Variants in CRTC2 observed in about 807,000 individuals in gnomAD.
CRTC2 encodes the protein CREB regulated transcription coactivator 2.
A neutral mutation model predicts 70.9 loss-of-function variants in CRTC2; 25 were observed. The observed-to-expected ratio is 0.35, with a 90% CI of 0.26 to 0.49. The LOEUF (loss-of-function observed/expected upper bound fraction) is 0.49, where lower values mean the gene tolerates loss of function less well. Among genes scored for constraint, CRTC2 ranks in the 20% least tolerant of loss-of-function variants. The pLI is 0.98. For missense variants in CRTC2, 737 were observed against 882.6 expected, an observed-to-expected ratio of 0.83 and a Z score of 2.09; for synonymous variants, 330 against 364.1, an observed-to-expected ratio of 0.91 and a Z score of 1.07.
chr1:153,955,085 A>G lies in CRTC2; in HGVS notation c.235T>C (p.Ser79Pro). 1.2e-6 allele frequency: 2 copies of G among 1,614,132 alleles called. No individual in the cohort carries two copies. Among genetic ancestry groups the G allele is most frequent in the East Asian group, 2.2e-5 (1 of 44,886 alleles). Residue 79 changes from serine (S) to proline (P), a missense_variant, in exon 2 of 14, where the codon TCT becomes CCT. By Grantham distance (74) the Ser-to-Pro change is moderately conservative. This residue lies in a region of CRTC2 where 699 missense variants were observed against 823.7 expected (regional missense o/e 0.85). Transcript: ENST00000368633. ...GSLPNVNQIG[S>P]GLAEFQSPLH... The stretch of plus-strand genomic sequence containing the variant: ...CTCACCTGGAACTCGGCCAGGCCAG[A>G]GCCAATCTGGTTAACATTGGGCAGA...
At position 153,952,421 on chromosome 1, in the gene CRTC2, C is replaced by T. The variant is rs770068529; in HGVS notation, c.728G>A (p.Arg243Gln). The T allele has an allele frequency of 2.5e-6, 4 of 1,614,102 alleles. No homozygotes were observed. Among genetic ancestry groups the T allele is most frequent in the East Asian group, 2.2e-5 (1 of 44,890 alleles). The part of the protein sequence containing the change: ...KKLSSSSSRP[R>Q]SCEVPGINIF... ...CTTAATTCCAGGGACTTCACAGGAC[C>T]GAGGTCGGGAAGAGGATGAGGATAG... Residue 243 changes from arginine to glutamine, a missense_variant, in exon 9 of 14, where the codon CGG becomes CAG. Arg to Gln is a conservative substitution (Grantham distance 43). Transcript: ENST00000368633.
chr1:153,952,643 G>T lies in CRTC2; in HGVS notation c.638-8C>A, dbSNP rs1680417632. Reference sequence around the variant, plus strand: ...TCTCCTCAATAGCAGGTACTTGAAAGAGAAAGACTGGTGATGGGAGAGTTG... The same window carrying T: ...TCTCCTCAATAGCAGGTACTTGAAATAGAAAGACTGGTGATGGGAGAGTTG... On this transcript the variant is annotated splice_polypyrimidine_tract_variant and splice_region_variant and intron_variant, in intron 7 of 13. Transcript: ENST00000368633. 1 of 1,614,154 alleles carries T rather than the reference G, an allele frequency of 6.2e-7. No individual in the cohort carries two copies. Among genetic ancestry groups the T allele is most frequent in the Non-Finnish European group, 8.5e-7 (1 of 1,179,982 alleles).
chr1:153,951,226 G>C, intron 11 of CRTC2, 34 bp downstream of exon 11: 2 of 1,606,822 alleles, frequency 1.2e-6, no homozygotes, highest in South Asian at 1.1e-5. Flanking sequence ...AAAGGGAAGG[G>C]AGACAGACAT....
intron 12 of CRTC2, 155 bp from the exon 13 acceptor site, chr1:153,948,799 G>A (rs904659748): frequency 3.0e-5 from 26 of 880,478 alleles, no homozygotes; most frequent in Non-Finnish European, 4.2e-5. Flanking sequence ...CGACAGAAGC[G>A]AGCACGGGGC....
Position 153,951,390 on chromosome 1 carries a change from G to A in CRTC2, c.1274C>T (p.Pro425Leu). Residue 425 changes from proline (P) to leucine (L), a missense_variant, in exon 11 of 14, where the codon CCC becomes CTC. This residue lies in a region of CRTC2 where 699 missense variants were observed against 823.7 expected (regional missense o/e 0.85). Coordinates refer to ENST00000368633, the MANE Select transcript of CRTC2 (RefSeq NM_181715.3). Reference protein sequence around the residue: ...SYPASTPGASPHHRRVPLSPL... With the variant: ...SYPASTPGASLHHRRVPLSPL... ...GCTGAGGGGCACACGGCGGTGGTGG[G>A]GGGAGGCCCCAGGGGTAGAAGCAGG... The A allele has an allele frequency of 6.2e-7, 1 of 1,610,984 alleles. No homozygotes were observed. The highest frequency in any genetic ancestry group is 8.5e-7 in the Non-Finnish European group (1 of 1,178,528).
In CRTC2 at chr1:153,948,668, T is replaced by C. The variant is rs1176143061; in HGVS notation, c.1675-24A>G. Reference sequence around the variant, plus strand: ...AGCTATAGACATACAGACAAATCTTTAGGAAGTAGGATTTAGAACTGGTGT... The same window carrying C: ...AGCTATAGACATACAGACAAATCTTCAGGAAGTAGGATTTAGAACTGGTGT... On this transcript the variant is annotated intron_variant, in intron 12 of 13. Coordinates refer to ENST00000368633, the MANE Select transcript of CRTC2 (RefSeq NM_181715.3). 5.1e-6 allele frequency: 8 copies of C among 1,565,158 alleles called. No homozygotes were observed. In the African/African-American group the frequency reaches 5.5e-5, roughly 11 times the overall value.
At chr1:153,949,020 C>A (rs974701329) in intron 12 of CRTC2, 95 bp downstream of exon 12, 2 of 1,322,864 alleles carry the variant, frequency 1.5e-6, no homozygotes, top group Non-Finnish European at 2.2e-6. Context: ...CCACCTAGAT[C>A]TCCCCATTCA....
Position 153,948,034 on chromosome 1 carries a change from A to C in CRTC2, c.*75T>G. On this transcript the variant is annotated 3_prime_UTR_variant, in exon 14 of 14. Transcript: ENST00000368633. Reference sequence around the variant, plus strand: ...TCTGGGGACAGAGAGTAGAGTCTCTACCTGCCAGGGGGAAGGGAGGAAAGG... The same window carrying C: ...TCTGGGGACAGAGAGTAGAGTCTCTCCCTGCCAGGGGGAAGGGAGGAAAGG... The C allele has an allele frequency of 7.2e-7, 1 of 1,385,402 alleles. No individual in the cohort carries two copies. Among genetic ancestry groups the C allele is most frequent in the Non-Finnish European group, 1.0e-6 (1 of 983,290 alleles). 85.8% of individuals were successfully genotyped at this position (1,385,402 alleles called of 1,614,324 possible). A position where few individuals can be genotyped will look rare whatever the true frequency, so the allele number is the denominator to read the frequency against.
At position 153,952,645 on chromosome 1, in the gene CRTC2, G is replaced by C; in HGVS notation, c.638-10C>G. 1 of 1,614,146 alleles carries C rather than the reference G, an allele frequency of 6.2e-7. No homozygotes were observed. Among genetic ancestry groups the C allele is most frequent in the Non-Finnish European group, 8.5e-7 (1 of 1,179,976 alleles). ...TCCTCAATAGCAGGTACTTGAAAGAGAAAGACTGGTGATGGGAGAGTTGGA... is the reference window on the plus strand; with the variant it reads ...TCCTCAATAGCAGGTACTTGAAAGACAAAGACTGGTGATGGGAGAGTTGGA... On this transcript the variant is annotated splice_polypyrimidine_tract_variant and intron_variant, in intron 7 of 13. Transcript: ENST00000368633.
At position 153,950,997 on chromosome 1, in the gene CRTC2, G is replaced by C. The variant is rs540131197; in HGVS notation, c.1404+263C>G. ...AGAAATGAAAATACTGAGGCTTATA[G>C]AAATTAAATAACTTGTCCAAGGTGA... On this transcript the variant is annotated intron_variant, in intron 11 of 13. Transcript: ENST00000368633. Among the ~76,000 whole-genome samples, 4 of 152,318 alleles carry C rather than the reference G, an allele frequency of 2.6e-5. No individual in the cohort carries two copies. The East Asian group carries it at 7.7e-4, about 29-fold the overall frequency.
chr1:153,958,221 G>C, intron 1 of CRTC2, 124 bp downstream of exon 1: 2 of 1,439,030 alleles, frequency 1.4e-6, no homozygotes, highest in Non-Finnish European at 1.8e-6. Flanking sequence ...CTCCCAAACG[G>C]CGGCGCCCGC....
At chr1:153,953,639 G>C (rs763267143) in intron 4 of CRTC2, 33 bp from the exon 5 acceptor site, 49 of 1,503,430 alleles carry the variant, frequency 3.3e-5, no homozygotes, top group Non-Finnish European at 4.1e-5. Context: ...TGAGGAGGAA[G>C]GCTGGCAGTG....
Position 153,952,124 on chromosome 1 carries a change from G to A in CRTC2, c.891C>T (p.Ala297=), listed in dbSNP as rs1680357782. The part of the protein sequence containing the change: ...LPTPLDPEET[A]YPSLSGGNST... ...TGTTGCCCCCACTCAGGCTAGGGTA[G>A]GCTGTCTCTTCAGGGTCCAGGGGGG... Residue 297 remains alanine (A), a synonymous_variant, in exon 10 of 14, where the codon GCC becomes GCT. Transcript: ENST00000368633. 2 of 1,614,014 alleles carry A rather than the reference G, an allele frequency of 1.2e-6. No individual in the cohort carries two copies. Among genetic ancestry groups the A allele is most frequent in the Non-Finnish European group, 1.7e-6 (2 of 1,180,026 alleles).
intron 11 of CRTC2, among the ~76,000 whole-genome samples, chr1:153,950,898 T>C (rs375742823): frequency 2.6e-4 from 39 of 152,354 alleles, no homozygotes; most frequent in African/African-American, 8.7e-4. Context: ...TTGTCAAGCA[T>C]ACCTGGGCTA....
chr1:153,957,696 T>A (rs1013141641), intron 1 of CRTC2, among the ~76,000 whole-genome samples: 1 of 152,194 alleles, frequency 6.6e-6, no homozygotes, highest in Non-Finnish European at 1.5e-5. Context: ...GGTTACCCAG[T>A]TGTCGGATTC....
In CRTC2 at chr1:153,949,107, G is replaced by A. The variant is rs761961350; in HGVS notation, c.1674+8C>T. The A allele has an allele frequency of 1.9e-6, 3 of 1,603,116 alleles. No homozygotes were observed. The South Asian group carries it at 3.4e-5, about 18-fold the overall frequency. On this transcript the variant is annotated splice_region_variant and intron_variant, in intron 12 of 13. Transcript: ENST00000368633. ...CCCTGCTTTTGAGCAAGGAGCCTGA[G>A]TACTCACATTCCCCAGGTTGAAGTC...
In CRTC2 at chr1:153,948,624, C is replaced by G; in HGVS notation, c.1695G>C (p.Glu565Asp). 6.3e-7 allele frequency: 1 copy of G among 1,590,250 alleles called. No individual in the cohort carries two copies. Among genetic ancestry groups the G allele is most frequent in the South Asian group, 1.1e-5 (1 of 87,314 alleles). The change falls in exon 13 of 14, where the codon GAG becomes GAC. Residue 565 changes from glutamate (E) to aspartate (D), a missense_variant. Around this residue, in one of 3 missense-constraint regions of CRTC2, gnomAD observed 699 missense variants for 823.7 expected, o/e 0.85. Transcript: ENST00000368633. ...CCAGCACCAGGCTGGCTGATGGGCT[C>G]TCCATGCTGAACTGCTCCAGCTATA... The part of the protein sequence containing the change: ...NLGNLEQFSM[E>D]SPSASLVLDP...
At chr1:153,954,461 A>G in intron 3 of CRTC2, 145 bp from the exon 4 acceptor site, 1 of 670,954 alleles carries the variant, frequency 1.5e-6, no homozygotes, top group Middle Eastern at 3.1e-4. Context: ...AGGATCAAAG[A>G]ATGGAAGAGA....
intron 11 of CRTC2, among the ~76,000 whole-genome samples, chr1:153,950,174 A>G (rs931679006): frequency 6.6e-6 from 1 of 152,190 alleles, no homozygotes; most frequent in African/African-American, 2.4e-5. Flanking sequence ...TGGCCTCCCA[A>G]AGTGCTGGGA....
Sources: gnomAD v4.1 joint callset for allele counts (sites outside exome capture counted in the v4.1 genomes callset) on GRCh38, gnomAD v4.1.1 for gene constraint, gnomAD v4.1.1 regional missense constraint, MANE v1.5 for transcripts, NCBI Gene and HGNC (gene_info 2026-07-23, HGNC 2026-07-21) for gene names.